The following SMCO2 variants were observed in gnomAD, a reference collection of about 807,000 sequenced individuals.
SMCO2 encodes the protein single-pass membrane protein with coiled-coil domains 2.
Under a neutral mutation model 29.5 loss-of-function variants are expected in SMCO2, and 25 were observed. The observed-to-expected ratio is 0.85, with a 90% CI of 0.62 to 1.18. The LOEUF (loss-of-function observed/expected upper bound fraction) is 1.18, where lower values mean the gene tolerates loss of function less well. Ranked by LOEUF, SMCO2 falls within the 50% of genes most tolerant of loss-of-function variation. The pLI is 0.00. For missense variants in SMCO2, 348 were observed against 344.5 expected, an observed-to-expected ratio of 1.01 and a Z score of -0.08; for synonymous variants, 117 against 123.3, an observed-to-expected ratio of 0.95 and a Z score of 0.34.
intron 7 of SMCO2, 64 bp downstream of exon 8, chr12:27,495,919 G>C (rs1942995659): frequency 7.7e-7 from 1 of 1,293,808 alleles, no homozygotes; most frequent in African/African-American, 1.6e-5. Flanking sequence ...GATTATGCTG[G>C]GATTGATTTT....
At chr12:27,465,515 G>A (rs916833537), upstream of SMCO2, among the ~76,000 whole-genome samples, 1 of 152,194 alleles carries the variant, frequency 6.6e-6, no homozygotes, top group Non-Finnish European at 1.5e-5. Context: ...AGTACAGACC[G>A]TAAGAAAGGT....
At position 27,501,917 on chromosome 12, in the gene SMCO2, T is replaced by C. The variant is rs1212729678; in HGVS notation, c.684-6T>C. The C allele has an allele frequency of 3.1e-5, 47 of 1,519,422 alleles. 1 individual carries two copies. Among genetic ancestry groups the C allele is most frequent in the Non-Finnish European group, 4.1e-5 (46 of 1,132,992 alleles). The allele number at this position is 1,519,422 out of a possible 1,614,324, so 94.1% of individuals were successfully genotyped here. ...TGGTTAACACAGATGTTTTCTCTCT[T>C]TGTAGGAAACGTGCACTGAGGATTT... On this transcript the variant is annotated splice_region_variant and splice_polypyrimidine_tract_variant and intron_variant, in intron 7 of 7. Coordinates refer to ENST00000298876, the Ensembl canonical transcript of SMCO2.
the SMCO2 span, among the ~76,000 whole-genome samples, chr12:27,450,924 A>G: frequency 6.6e-6 from 1 of 152,214 alleles, no homozygotes; most frequent in Non-Finnish European, 1.5e-5. Context: ...GCTGCCCTAA[A>G]TAATTTCTTG....
At chr12:27,453,986 C>CT in the SMCO2 span, among the ~76,000 whole-genome samples, 4 of 152,006 alleles carry the variant, frequency 2.6e-5, no homozygotes, top group African/African-American at 9.7e-5. Context: ...CTATGAATCT[C>CT]TTTTTTGTGG....
At chr12:27,425,212 G>A in the SMCO2 span, 4 of 151,672 alleles carry the variant, frequency 2.6e-5, no homozygotes, top group South Asian at 8.3e-4. Flanking sequence ...GGTAAATAAT[G>A]AAAAGAGTGA....
the SMCO2 span, among the ~76,000 whole-genome samples, chr12:27,434,130 A>G: frequency 6.6e-6 from 1 of 152,230 alleles, no homozygotes; most frequent in Non-Finnish European, 1.5e-5. Context: ...CCTAGCGCCA[A>G]AACAGAATCC....
Position 27,495,668 on chromosome 12 carries a change from CT to C in SMCO2, c.508-4del. ...AATTTTTTTAAGGTACTTGATTACT[CT>C]TTTTTTTCAGGACCTTTGCAAGAAT... On this transcript the variant is annotated splice_polypyrimidine_tract_variant and intron_variant, in intron 6 of 7. Coordinates refer to ENST00000298876, the Ensembl canonical transcript of SMCO2. 34 of 1,454,866 alleles carry C rather than the reference CT, an allele frequency of 2.3e-5. No homozygotes were observed. Among genetic ancestry groups the C allele is most frequent in the South Asian group, 1.3e-4 (9 of 69,416 alleles). The allele number at this position is 1,454,866 out of a possible 1,614,324, so 90.1% of individuals were successfully genotyped here.
the SMCO2 span, among the ~76,000 whole-genome samples, chr12:27,453,589 A>G: frequency 1.8e-4 from 27 of 152,342 alleles, 1 homozygote; most frequent in African/African-American, 5.0e-4. Context: ...GGAAGTAGAA[A>G]GAGTGAAAGG....
the SMCO2 span, among the ~76,000 whole-genome samples, chr12:27,439,661 A>G: frequency 6.6e-6 from 1 of 152,192 alleles, no homozygotes; most frequent in Non-Finnish European, 1.5e-5. Flanking sequence ...TGATTTTTTA[A>G]AACTGAAACA....
the SMCO2 span, among the ~76,000 whole-genome samples, chr12:27,445,228 T>C: frequency 6.6e-6 from 1 of 152,208 alleles, no homozygotes; most frequent in Non-Finnish European, 1.5e-5. Context: ...AATATCAATG[T>C]ATTTATTGCT....
chr12:27,488,842 A>G (rs1949711251), intron 5 of SMCO2, among the ~76,000 whole-genome samples: 1 of 152,208 alleles, frequency 6.6e-6, no homozygotes, highest in Non-Finnish European at 1.5e-5. Context: ...TTTGTATGTC[A>G]GCACCTAACG....
the SMCO2 span, chr12:27,425,252 T>G: frequency 6.8e-6 from 1 of 146,428 alleles, no homozygotes; most frequent in Non-Finnish European, 1.5e-5. Flanking sequence ...TCATTTGTAG[T>G]TTTTTTTTTT....
At chr12:27,470,133 A>G (rs903531697) in intron 1 of SMCO2, among the ~76,000 whole-genome samples, 5 of 152,226 alleles carry the variant, frequency 3.3e-5, no homozygotes, top group African/African-American at 9.6e-5. Context: ...AGAATAAAAC[A>G]AACACCAAAT....
chr12:27,493,072 T>C (rs2135574031), intron 5 of SMCO2, among the ~76,000 whole-genome samples: 1 of 152,272 alleles, frequency 6.6e-6, no homozygotes, highest in East Asian at 1.9e-4. Flanking sequence ...CTCAGCAAAC[T>C]AACTCAGGAA....
the SMCO2 span, among the ~76,000 whole-genome samples, chr12:27,451,291 T>A: frequency 6.6e-6 from 1 of 152,106 alleles, no homozygotes; most frequent in African/African-American, 2.4e-5. Context: ...TTTCTAACAT[T>A]ATCTTTTGGA....
At chr12:27,425,611 C>T in the SMCO2 span, among the ~76,000 whole-genome samples, 139 of 152,238 alleles carry the variant, frequency 9.1e-4, no homozygotes, top group Non-Finnish European at 1.5e-3. Flanking sequence ...GGACCCTCTC[C>T]GCATAATGAC....
intron 4 of SMCO2, among the ~76,000 whole-genome samples, chr12:27,486,665 G>T (rs1592213993): frequency 6.6e-6 from 1 of 152,162 alleles, no homozygotes; most frequent in South Asian, 2.1e-4. Context: ...AAAGGGCAAA[G>T]ACCTTTCTTA....
At chr12:27,436,538 G>T in the SMCO2 span, among the ~76,000 whole-genome samples, 8 of 152,062 alleles carry the variant, frequency 5.3e-5, no homozygotes, top group African/African-American at 1.9e-4. Flanking sequence ...AAGAAAAGAG[G>T]AAGAAACGAA....
At chr12:27,475,713 CAG>C in intron 4 of SMCO2, 2 of 1,546,852 alleles carry the variant, frequency 1.3e-6, no homozygotes, top group African/African-American at 1.4e-5. Context: ...ATAAATGTAA[CAG>C]AAAACACAGT....
Sources: gnomAD v4.1 joint callset for allele counts (sites outside exome capture counted in the v4.1 genomes callset) on GRCh38, gnomAD v4.1.1 for gene constraint, MANE v1.5 for transcripts, NCBI Gene and HGNC (gene_info 2026-07-23, HGNC 2026-07-21) for gene names.